CSMD1: variants seen among roughly 807,000 people sequenced by gnomAD.
The protein encoded by CSMD1 is CUB and sushi domain-containing protein 1.
A neutral mutation model predicts 417.5 loss-of-function variants in CSMD1; 213 were observed. The observed-to-expected ratio is 0.51, with a 90% CI of 0.46 to 0.57. The LOEUF (loss-of-function observed/expected upper bound fraction) is 0.57. Ranked by LOEUF, CSMD1 falls within the 20% of genes least tolerant of loss-of-function variation. The pLI, the probability that CSMD1 is intolerant of heterozygous loss-of-function variation, is 0.00. For missense variants in CSMD1, 6,923 were observed against 4,529.7 expected (o/e 1.53, Z -15.17); for synonymous variants, 2,862 against 1,736.8 (o/e 1.65, Z -16.11).
chr8:4,738,694 TA>T (rs1456603201), intron 1 of CSMD1, among the ~76,000 whole-genome samples: 1 of 152,198 alleles, frequency 6.6e-6, no homozygotes, highest in Non-Finnish European at 1.5e-5. Context: ...GTATATTATA[TA>T]AATTTTCATT....
intron 2 of CSMD1, among the ~76,000 whole-genome samples, chr8:4,472,283 T>C (rs1024960386): frequency 6.6e-6 from 1 of 152,168 alleles, no homozygotes; most frequent in Non-Finnish European, 1.5e-5. Context: ...TTCTAATAAT[T>C]AAAAAAGTAA....
intron 2 of CSMD1, among the ~76,000 whole-genome samples, chr8:4,476,430 G>A (rs1308296078): frequency 6.6e-6 from 1 of 152,104 alleles, no homozygotes; most frequent in Non-Finnish European, 1.5e-5. Context: ...TCTTTTAAAT[G>A]TAGTCATATA....
At chr8:4,738,581 C>A (rs1229069119) in intron 1 of CSMD1, among the ~76,000 whole-genome samples, 1 of 152,058 alleles carries the variant, frequency 6.6e-6, no homozygotes, top group African/African-American at 2.4e-5. Context: ...TGAATGGGGA[C>A]ACAAAGCCTA....
At chr8:4,597,755 G>C (rs982318589) in intron 2 of CSMD1, among the ~76,000 whole-genome samples, 15 of 152,030 alleles carry the variant, frequency 9.9e-5, no homozygotes, top group Admixed American at 5.9e-4. Context: ...TTCTACTTCA[G>C]TTTAAAAAGT....
Position 4,926,410 on chromosome 8 carries a change from G to A in CSMD1, c.85+67922C>T, listed in dbSNP as rs114045153. Among the ~76,000 whole-genome samples the A allele has an allele frequency of 8.1e-3, 1,237 of 152,190 alleles. 14 individuals are homozygous for A. Among genetic ancestry groups the A allele is most frequent in the African/African-American group, 0.028 (1,155 of 41,506 alleles). Reference sequence around the variant, plus strand: ...CTGTATTTGTGAGATCTACGCATGTGGCCGTGTAATTCTCTCACACTTAAT... The same window carrying A: ...CTGTATTTGTGAGATCTACGCATGTAGCCGTGTAATTCTCTCACACTTAAT... On this transcript the variant is annotated intron_variant, in intron 1 of 69. Transcript: ENST00000635120.
In CSMD1 at chr8:4,257,214, T is replaced by C. The variant is rs557331928; in HGVS notation, c.415+162739A>G. Among the ~76,000 whole-genome samples the C allele has an allele frequency of 1.2e-4, 18 of 152,214 alleles. 1 individual carries two copies. The South Asian group carries it at 3.1e-3, about 26-fold the overall frequency. On this transcript the variant is annotated intron_variant, in intron 3 of 69. Transcript: ENST00000635120. ...TACATTTTTAAGCATGAGAGTTTTA[T>C]TGAAAGAGACTAATACTATTCTGCC...
chr8:3,541,150 C>A (rs1470680405), intron 10 of CSMD1, among the ~76,000 whole-genome samples: 1 of 152,144 alleles, frequency 6.6e-6, no homozygotes, highest in African/African-American at 2.4e-5. Flanking sequence ...CAATGACAGA[C>A]TGGATAAAGA....
intron 2 of CSMD1, among the ~76,000 whole-genome samples, chr8:4,523,462 A>G (rs1803589871): frequency 6.6e-6 from 1 of 152,156 alleles, no homozygotes; most frequent in African/African-American, 2.4e-5. Flanking sequence ...TAAAGTAAAT[A>G]TTGAAACACA....
rs147385241 is a variant in CSMD1 at position 4,930,340 on chromosome 8, T to C, written c.85+63992A>G. ...ACACCAATTCTGAACACTGTAATAA[T>C]GTAATTCTGATTTCATTCATAGGTG... is the stretch of plus-strand genomic sequence containing the variant. On this transcript the variant is annotated intron_variant, in intron 1 of 69. Transcript: ENST00000635120. Among the ~76,000 whole-genome samples the C allele has an allele frequency of 4.7e-3, 722 of 152,246 alleles. 8 individuals carry two copies. The highest frequency in any genetic ancestry group is 0.016 in the African/African-American group (681 of 41,540).
chr8:4,736,280 G>A (rs956033613), intron 1 of CSMD1, among the ~76,000 whole-genome samples: 4 of 152,140 alleles, frequency 2.6e-5, no homozygotes, highest in Non-Finnish European at 5.9e-5. Flanking sequence ...TCAGGTCACT[G>A]CACACTCTGT....
intron 3 of CSMD1, among the ~76,000 whole-genome samples, chr8:4,041,579 G>A (rs770265917): frequency 6.6e-6 from 1 of 152,138 alleles, no homozygotes; most frequent in Non-Finnish European, 1.5e-5. Context: ...GAGATTCACA[G>A]TCTCTGGCAT....
chr8:3,027,936 C>G (rs559100564), intron 51 of CSMD1, among the ~76,000 whole-genome samples: 5 of 152,296 alleles, frequency 3.3e-5, no homozygotes, highest in South Asian at 2.1e-4. Context: ...GGAGAAGGCT[C>G]TCCACTGTAC....
At chr8:3,643,700 C>CAAAAAAAAAAAAAAAAAAAAAAAA (rs66500235) in intron 7 of CSMD1, among the ~76,000 whole-genome samples, 9 of 85,328 alleles carry the variant, frequency 1.1e-4, no homozygotes, top group East Asian at 4.2e-4. Flanking sequence ...GACTCCGTCT[C>CAAAAAAAAAAAAAAAAAAAAAAAA]AAAAAAAAAA....
At chr8:4,825,190 G>A (rs1799753548) in intron 1 of CSMD1, among the ~76,000 whole-genome samples, 1 of 151,994 alleles carries the variant, frequency 6.6e-6, no homozygotes, top group Non-Finnish European at 1.5e-5. Flanking sequence ...CATTTTTGAA[G>A]AGATGTAATC....
intron 3 of CSMD1, among the ~76,000 whole-genome samples, chr8:4,226,912 T>C (rs1519179): frequency 0.58 from 88,012 of 152,050 alleles, 26,179 homozygotes; most frequent in Non-Finnish European, 0.63. Flanking sequence ...TTTTTGTTGT[T>C]GTTGTCACTT....
intron 54 of CSMD1, among the ~76,000 whole-genome samples, chr8:2,991,523 T>C (rs984650578): frequency 5.9e-5 from 9 of 152,222 alleles, no homozygotes; most frequent in Admixed American, 2.0e-4. Context: ...AGAGAAAACA[T>C]TTCTTTAAAA....
intron 5 of CSMD1, among the ~76,000 whole-genome samples, chr8:3,964,242 T>G (rs1448077046): frequency 6.6e-6 from 1 of 152,220 alleles, no homozygotes; most frequent in Non-Finnish European, 1.5e-5. Flanking sequence ...AATTATACTT[T>G]TTGTGGCTAT....
chr8:3,430,818 C>A (rs1039807363), intron 12 of CSMD1, among the ~76,000 whole-genome samples: 23 of 152,090 alleles, frequency 1.5e-4, no homozygotes, highest in South Asian at 4.2e-4. Context: ...ACAACAACAA[C>A]AAAAAAATTC....
chr8:4,381,474 T>G (rs1803100969), intron 3 of CSMD1, among the ~76,000 whole-genome samples: 1 of 152,176 alleles, frequency 6.6e-6, no homozygotes, highest in East Asian at 1.9e-4. Context: ...TAAAGATCAT[T>G]GTCTTCCAAC....
Sources: gnomAD v4.1 joint callset for allele counts (sites outside exome capture counted in the v4.1 genomes callset) on GRCh38, gnomAD v4.1.1 for gene constraint, MANE v1.5 for transcripts, NCBI Gene and HGNC (gene_info 2026-07-23, HGNC 2026-07-21) for gene names.